The following SYNPR variants were observed in gnomAD, a reference collection of about 807,000 sequenced individuals.
The protein encoded by SYNPR is synaptoporin.
Under a neutral mutation model 32.9 loss-of-function variants are expected in SYNPR, and 23 were observed. The observed-to-expected ratio is 0.70, with a 90% CI of 0.50 to 0.99. The LOEUF (loss-of-function observed/expected upper bound fraction) is 0.99. Ranked by LOEUF, SYNPR falls within the 50% of genes least tolerant of loss-of-function variation. SYNPR has a pLI of 0.00. For missense variants in SYNPR, 318 were observed against 349.3 expected (o/e 0.91, Z 0.71); for synonymous variants, 146 against 135.9 (o/e 1.07, Z -0.52).
At chr3:63,247,693 C>G (rs1408803649) in intron 1 of SYNPR, among the ~76,000 whole-genome samples, 1 of 152,134 alleles carries the variant, frequency 6.6e-6, no homozygotes, top group Non-Finnish European at 1.5e-5. Flanking sequence ...GATTAATTCT[C>G]CTTCCAATCC....
chr3:63,408,315 GGAAGGAAAGAAAGAAAGAAAGAAA>G (rs1365250829), intron 2 of SYNPR, among the ~76,000 whole-genome samples: 18 of 42,068 alleles, frequency 4.3e-4, no homozygotes, highest in East Asian at 2.5e-3. Context: ...AAGGAAGGAA[GGAAGGAAAGAAAGAAAGAAAGAAA>G]GAAAGAAAGA....
Position 63,339,029 on chromosome 3 carries a change from TTTGC to T in SYNPR, c.84+60291_84+60294del, listed in dbSNP as rs544124230. ...TCCTCAGGAATCTTTGCCTGCTGCG[TTTGC>T]TTGTGAATTCCTTGGAGATGGTGAA... is the stretch of plus-strand genomic sequence containing the variant. On this transcript the variant is annotated intron_variant, in intron 2 of 5. Transcript: ENST00000478300. Among the ~76,000 whole-genome samples the T allele has an allele frequency of 9.2e-5, 14 of 152,362 alleles. 1 individual carries two copies. In the South Asian group the frequency reaches 2.7e-3, roughly 29 times the overall value.
chr3:63,578,561 G>A (rs886943421), intron 4 of SYNPR, among the ~76,000 whole-genome samples: 14 of 152,000 alleles, frequency 9.2e-5, no homozygotes, highest in Non-Finnish European at 1.5e-5. Flanking sequence ...ATATTTTACG[G>A]ATAAATAGAA....
At chr3:63,510,083 T>A (rs1479317507) in intron 3 of SYNPR, among the ~76,000 whole-genome samples, 1 of 151,892 alleles carries the variant, frequency 6.6e-6, no homozygotes, top group African/African-American at 2.4e-5. Context: ...GGGTTGATGG[T>A]GAGTATGTGG....
chr3:63,498,703 C>T (rs1169218619), intron 3 of SYNPR, among the ~76,000 whole-genome samples: 1 of 151,936 alleles, frequency 6.6e-6, no homozygotes, highest in Admixed American at 6.6e-5. Flanking sequence ...GACCACAGTG[C>T]GTAAGTGCAG....
At chr3:63,460,619 T>C (rs1319445807) in intron 2 of SYNPR, among the ~76,000 whole-genome samples, 2 of 109,558 alleles carry the variant, frequency 1.8e-5, no homozygotes, top group Non-Finnish European at 3.7e-5. Context: ...TGTAAGGCAA[T>C]ATTGCAAGTA....
At chr3:63,562,006 A>T (rs1400334215) in intron 4 of SYNPR, among the ~76,000 whole-genome samples, 1 of 152,212 alleles carries the variant, frequency 6.6e-6, no homozygotes, top group East Asian at 1.9e-4. Flanking sequence ...GGCCAAAGAA[A>T]TCAGCCAGCT....
chr3:63,226,031 G>A (rs1365917768), upstream of SYNPR, among the ~76,000 whole-genome samples: 3 of 151,732 alleles, frequency 2.0e-5, no homozygotes, highest in African/African-American at 7.3e-5. Context: ...AAAATTAAAA[G>A]AAGGCAAACA....
intron 2 of SYNPR, among the ~76,000 whole-genome samples, chr3:63,453,017 G>T (rs1398303034): frequency 6.6e-6 from 1 of 152,124 alleles, no homozygotes; most frequent in Non-Finnish European, 1.5e-5. Context: ...AGGGTGAGCT[G>T]AAGACCAGCA....
intron 3 of SYNPR, among the ~76,000 whole-genome samples, chr3:63,490,929 A>T (rs962316196): frequency 1.7e-4 from 26 of 152,064 alleles, no homozygotes; most frequent in African/African-American, 6.3e-4. Context: ...ACACTAAGCT[A>T]ATTTTTGTAT....
At chr3:63,493,270 G>A (rs1701289465) in intron 3 of SYNPR, among the ~76,000 whole-genome samples, 1 of 152,092 alleles carries the variant, frequency 6.6e-6, no homozygotes, top group Admixed American at 6.5e-5. Flanking sequence ...TTCAAACAGA[G>A]AGGATTGGCA....
chr3:63,360,877 A>C (rs2087650096), intron 2 of SYNPR, among the ~76,000 whole-genome samples: 1 of 152,124 alleles, frequency 6.6e-6, no homozygotes, highest in African/African-American at 2.4e-5. Context: ...ATTGCTATCC[A>C]AGATCACCCA....
In SYNPR at chr3:63,537,439, C is replaced by T. The variant is rs550128280; in HGVS notation, c.210-19104C>T. Among the ~76,000 whole-genome samples the T allele has an allele frequency of 7.8e-4, 119 of 152,240 alleles. 1 individual carries two copies. The highest frequency in any genetic ancestry group is 2.7e-3 in the African/African-American group (113 of 41,548). ...TATCTGAAGGTCCAGCTGAACCATA[C>T]AGACATCTTTATTCTGGCACAAATC... On this transcript the variant is annotated intron_variant, in intron 3 of 5. Coordinates refer to ENST00000478300, the MANE Select transcript of SYNPR (RefSeq NM_001130003.2).
intron 4 of SYNPR, among the ~76,000 whole-genome samples, chr3:63,598,177 T>C (rs1390719256): frequency 6.6e-6 from 1 of 152,132 alleles, no homozygotes; most frequent in African/African-American, 2.4e-5. Flanking sequence ...TAGGTAGAAA[T>C]TGAATATTTG....
intron 2 of SYNPR, among the ~76,000 whole-genome samples, chr3:63,265,241 C>CTTTTTTGTTTTTT (rs2086474793): frequency 9.8e-6 from 1 of 102,214 alleles, no homozygotes; most frequent in African/African-American, 3.9e-5. Flanking sequence ...TAATGACATT[C>CTTTTTTGTTTTTT]TTTTTTTTTT....
chr3:63,479,635 T>C (rs1427866883), intron 2 of SYNPR, among the ~76,000 whole-genome samples: 1 of 152,182 alleles, frequency 6.6e-6, no homozygotes, highest in African/African-American at 2.4e-5. Context: ...ATAGATAATA[T>C]TCATTTCACC....
At chr3:63,367,351 T>TTATTTATG (rs985171852) in intron 2 of SYNPR, among the ~76,000 whole-genome samples, 3 of 151,476 alleles carry the variant, frequency 2.0e-5, no homozygotes, top group African/African-American at 7.3e-5. Context: ...AATTATTTAT[T>TTATTTATG]TATTTATTTA....
intron 2 of SYNPR, among the ~76,000 whole-genome samples, chr3:63,399,140 C>CA (rs1392253612): frequency 2.0e-5 from 3 of 152,168 alleles, no homozygotes; most frequent in African/African-American, 7.2e-5. Context: ...GAAGGAGATG[C>CA]AAAATGTTGG....
chr3:63,501,509 A>AG lies in SYNPR; in HGVS notation c.209+20553_209+20554insG, dbSNP rs1559518812. ...CTCCCCCAACCAAAAAAAAAAAAAA[A>AG]AAAAAGAAAAGAAAAAGAAAAAATA... On this transcript the variant is annotated intron_variant, in intron 3 of 5. Transcript: ENST00000478300. Among the ~76,000 whole-genome samples the AG allele has an allele frequency of 3.4e-3, 319 of 94,532 alleles. 1 individual carries two copies. Among genetic ancestry groups the AG allele is most frequent in the Non-Finnish European group, 4.9e-3 (212 of 43,550 alleles). The allele number at this position is 94,532 out of a possible 152,430, so 62.0% of individuals were successfully genotyped here. A position where few individuals can be genotyped will look rare whatever the true frequency, so the allele number is the denominator to read the frequency against.
Sources: gnomAD v4.1 joint callset for allele counts (sites outside exome capture counted in the v4.1 genomes callset) on GRCh38, gnomAD v4.1.1 for gene constraint, MANE v1.5 for transcripts, NCBI Gene and HGNC (gene_info 2026-07-23, HGNC 2026-07-21) for gene names.